NRDC: variants seen among roughly 807,000 people sequenced by gnomAD.
NRDC encodes nardilysin.
In NRDC, 54 loss-of-function variants were observed where a neutral mutation model predicts 147.1. The observed-to-expected ratio is 0.37, with a 90% CI of 0.29 to 0.46. The LOEUF is 0.46. Ranked by LOEUF, NRDC falls within the 20% of genes least tolerant of loss-of-function variation. The pLI is 1.00. For missense variants in NRDC, 1,082 were observed against 1,370.6 expected (o/e 0.79, Z 3.33); for synonymous variants, 440 against 482.1 (o/e 0.91, Z 1.14).
At position 51,791,710 on chromosome 1, in the gene NRDC, C is replaced by T. The variant is rs543746941; in HGVS notation, c.2877-49G>A. The T allele has an allele frequency of 4.2e-5, 61 of 1,469,658 alleles. No homozygotes were observed. The South Asian group carries it at 5.9e-4, about 14-fold the overall frequency. The allele number at this position is 1,469,658 out of a possible 1,614,324, so 91.0% of individuals were successfully genotyped here. On this transcript the variant is annotated intron_variant, in intron 26 of 30. Coordinates refer to ENST00000352171, the MANE Select transcript of NRDC (RefSeq NM_001101662.2). ...TATGAGCTCAGGTGATCATCTGGGC[C>T]CTGGCCTTGGAGGCACTAGATAGGA...
intron 5 of NRDC, among the ~76,000 whole-genome samples, chr1:51,826,153 C>T (rs995468096): frequency 2.0e-5 from 3 of 152,152 alleles, no homozygotes; most frequent in African/African-American, 4.8e-5. Context: ...ATAAGCCACC[C>T]GGTCTGTGGG....
In NRDC at chr1:51,846,165, G is replaced by C. The variant is rs115981916; in HGVS notation, c.342-5651C>G. Among the ~76,000 whole-genome samples, 531 of 151,846 alleles carry C rather than the reference G, an allele frequency of 3.5e-3. 4 individuals are homozygous for C. The highest frequency in any genetic ancestry group is 0.011 in the African/African-American group (473 of 41,374). Reference sequence around the variant, plus strand: ...CTCACTCTGACGCCCAGGTTGGAGTGCAGTGGTGCCGTCTCGGCTCACTGC... The same window carrying C: ...CTCACTCTGACGCCCAGGTTGGAGTCCAGTGGTGCCGTCTCGGCTCACTGC... On this transcript the variant is annotated intron_variant, in intron 1 of 30. Coordinates refer to ENST00000352171, the MANE Select transcript of NRDC (RefSeq NM_001101662.2).
chr1:51,852,028 T>A lies in NRDC; in HGVS notation c.342-11514A>T, dbSNP rs117640986. 2.6e-5 allele frequency among the ~76,000 whole-genome samples: 4 copies of A among 152,236 alleles called. No individual in the cohort carries two copies. In the East Asian group the frequency reaches 7.7e-4, roughly 29 times the overall value. ...ATCTGTGAGGGGGGCAGCCTACAGGTTTTTTGGTATGCTTTTTGGTACACG... is the reference window on the plus strand; with the variant it reads ...ATCTGTGAGGGGGGCAGCCTACAGGATTTTTGGTATGCTTTTTGGTACACG... On this transcript the variant is annotated intron_variant, in intron 1 of 30. Coordinates refer to ENST00000352171, the MANE Select transcript of NRDC (RefSeq NM_001101662.2).
At chr1:51,812,283 C>A (rs1185217025) in intron 14 of NRDC, among the ~76,000 whole-genome samples, 185 bp from the exon 15 acceptor site, 11 of 152,234 alleles carry the variant, frequency 7.2e-5, no homozygotes, top group African/African-American at 2.7e-4. Flanking sequence ...TGGCTCACGC[C>A]TGTAATCCCA....
intron 1 of NRDC, among the ~76,000 whole-genome samples, chr1:51,858,288 T>G (rs1231690266): frequency 6.6e-6 from 1 of 152,102 alleles, no homozygotes; most frequent in Admixed American, 6.6e-5. Context: ...AAGACAAGCC[T>G]ATGCAACATA....
chr1:51,863,579 GTAATACCTCCA>G (rs1682659656), intron 1 of NRDC, among the ~76,000 whole-genome samples: 1 of 152,092 alleles, frequency 6.6e-6, no homozygotes, highest in Admixed American at 6.5e-5. Context: ...AAAACAAGAA[GTAATACCTCCA>G]TTCCCCCACA....
chr1:51,798,210 C>T lies in NRDC; in HGVS notation c.2604+39G>A, dbSNP rs1613430. On this transcript the variant is annotated intron_variant, in intron 22 of 30. Transcript: ENST00000352171. The stretch of plus-strand genomic sequence containing the variant: ...ACTATGGCAATTCCAGAGTTCACAA[C>T]TGCATTCAGACCTGGCCTACAGAGC... 14,915 of 1,602,116 alleles carry T rather than the reference C, an allele frequency of 9.3e-3. 1,138 individuals carry two copies. In the African/African-American group the frequency reaches 0.17, roughly 18 times the overall value.
chr1:51,830,934 G>C (rs947740181), intron 4 of NRDC, among the ~76,000 whole-genome samples: 1 of 152,130 alleles, frequency 6.6e-6, no homozygotes, highest in Non-Finnish European at 1.5e-5. Flanking sequence ...TGTTATATAA[G>C]AGCATATTAC....
chr1:51,873,800 C>A (rs974765754), intron 1 of NRDC, among the ~76,000 whole-genome samples: 2 of 151,884 alleles, frequency 1.3e-5, no homozygotes, highest in Non-Finnish European at 2.9e-5. Flanking sequence ...CGTGAGCCCC[C>A]ACGCCCAGCC....
intron 1 of NRDC, among the ~76,000 whole-genome samples, chr1:51,871,488 T>C (rs1683081392): frequency 7.7e-6 from 1 of 129,278 alleles, no homozygotes; most frequent in African/African-American, 2.9e-5. Flanking sequence ...CACTCCTTGC[T>C]TCAAGAATTC....
chr1:51,794,974 T>C (rs755683090), intron 22 of NRDC, 120 bp from the exon 23 acceptor site: 52 of 1,551,866 alleles, frequency 3.4e-5, no homozygotes, highest in Non-Finnish European at 4.5e-5. Context: ...AAAGCAGATA[T>C]AGTTGGTGAC....
intron 1 of NRDC, among the ~76,000 whole-genome samples, chr1:51,845,203 G>A (rs761443295): frequency 3.9e-5 from 6 of 152,128 alleles, no homozygotes; most frequent in Non-Finnish European, 8.8e-5. Flanking sequence ...TCTCAGTCCA[G>A]GGCCTTCGTG....
Position 51,805,519 on chromosome 1 carries a change from G to C in NRDC, c.2153C>G (p.Ser718Cys). 1 of 1,581,254 alleles carries C rather than the reference G, an allele frequency of 6.3e-7. No homozygotes were observed. The highest frequency in any genetic ancestry group is 1.4e-5 in the African/African-American group (1 of 72,674). The change falls in exon 19 of 31, where the codon TCT (serine) becomes TGT (cysteine). Residue 718 changes from serine to cysteine, a missense_variant. Ser to Cys is a moderately radical substitution (Grantham distance 112). This residue lies in a region of NRDC where 635 missense variants were observed against 923.8 expected (regional missense o/e 0.69). Coordinates refer to ENST00000352171, the MANE Select transcript of NRDC (RefSeq NM_001101662.2). Reference sequence around the variant, plus strand: ...AAAGACAATTGCTTACTTTGCTGCAGATTTCTGTATCAACGGTGAAATTAG... The same window carrying C: ...AAAGACAATTGCTTACTTTGCTGCACATTTCTGTATCAACGGTGAAATTAG... ...FHLISPLIQK[S>C]AANVVLFDIF...
intron 18 of NRDC, among the ~76,000 whole-genome samples, chr1:51,806,252 G>A (rs1457307827): frequency 6.6e-6 from 1 of 152,156 alleles, no homozygotes; most frequent in East Asian, 1.9e-4. Flanking sequence ...AGTTGGTGGG[G>A]CTTTCACATT....
intron 1 of NRDC, among the ~76,000 whole-genome samples, chr1:51,843,772 A>T (rs2149226100): frequency 6.6e-6 from 1 of 152,294 alleles, no homozygotes; most frequent in East Asian, 1.9e-4. Context: ...TCTGTCCAGA[A>T]ATAAATTCTA....
rs577239051 is a variant in NRDC, at chr1:51,856,646, C to T, written c.342-16132G>A. ...GCAGGCCACCCTCCAAGAACCTCCA[C>T]GTGTTGAGCCATCCTGAAGCTTCTG... On this transcript the variant is annotated intron_variant, in intron 1 of 30. Coordinates refer to ENST00000352171, the MANE Select transcript of NRDC (RefSeq NM_001101662.2). Among the ~76,000 whole-genome samples the T allele has an allele frequency of 1.6e-4, 24 of 152,232 alleles. No individual in the cohort carries two copies. In the South Asian group the frequency reaches 4.4e-3, roughly 28 times the overall value.
intron 1 of NRDC, among the ~76,000 whole-genome samples, chr1:51,846,593 G>A (rs1449041333): frequency 6.6e-6 from 1 of 152,182 alleles, no homozygotes; most frequent in African/African-American, 2.4e-5. Flanking sequence ...GTTTCTTCCT[G>A]CCTGTGGGTT....
At chr1:51,798,548 G>GA (rs756564152) in intron 21 of NRDC, 137 bp from the exon 22 acceptor site, 27 of 692,780 alleles carry the variant, frequency 3.9e-5, no homozygotes, top group Non-Finnish European at 6.0e-5. Flanking sequence ...TGTAAGATGG[G>GA]AAAACAGTAT....
chr1:51,842,818 C>T (rs897267897), intron 1 of NRDC, among the ~76,000 whole-genome samples: 8 of 151,916 alleles, frequency 5.3e-5, no homozygotes, highest in African/African-American at 1.9e-4. Flanking sequence ...ATAATCCCCG[C>T]ACTTTGGGAA....
Sources: allele counts gnomAD v4.1 joint callset (sites outside exome capture counted in the v4.1 genomes callset), GRCh38; gene constraint gnomAD v4.1.1; regional missense constraint gnomAD v4.1.1; transcripts MANE v1.5; gene names NCBI Gene and HGNC (gene_info 2026-07-23, HGNC 2026-07-21).